RGS3: variants seen among roughly 807,000 people sequenced by gnomAD.
RGS3 encodes regulator of G protein signaling 3, also known as regulator of G-protein signalling 3.
In RGS3, 80 loss-of-function variants were observed where a neutral mutation model predicts 132.6. That is an observed-to-expected ratio of 0.60 (90% CI 0.50 to 0.73). RGS3 has a LOEUF of 0.73. Ranked by LOEUF, RGS3 falls within the 30% of genes least tolerant of loss-of-function variation. The pLI is 0.00. For synonymous variants in RGS3, 598 were observed against 620.6 expected (o/e 0.96, Z 0.54); for missense variants, 1,382 against 1,530.8 (o/e 0.90, Z 1.62).
In RGS3 at chr9:113,507,479, G is replaced by T; in HGVS notation, c.1278G>T (p.Leu426=). The change falls in exon 13 of 25, where the codon CTG becomes CTT. Residue 426 remains leucine (L), a synonymous_variant. Coordinates refer to ENST00000350696, the Ensembl canonical transcript of RGS3. This position sits in a 1 kb window ranked among gnomAD's most constrained non-coding sequence, Gnocchi z 5.0. ...CTGAGCAGCGCCACAGCTGCCACCT[G>T]GTATGTGACAGCTCTGATGGGCTGC... 1 of 1,613,372 alleles carries T rather than the reference G, an allele frequency of 6.2e-7. No individual in the cohort carries two copies.
exon 19 of RGS3, chr9:113,536,915 C>G (rs540029730): frequency 1.2e-6 from 2 of 1,613,924 alleles, no homozygotes; most frequent in South Asian, 1.1e-5. Flanking sequence ...CCCCGGACAG[C>G]AAGGTAAGGG....
chr9:113,566,760 GGCT>G (rs1834030225), intron 19 of RGS3, among the ~76,000 whole-genome samples: 1 of 152,260 alleles, frequency 6.6e-6, no homozygotes, highest in South Asian at 2.1e-4. Flanking sequence ...CTGGCTGGGT[GGCT>G]ATCTGGCGTC....
At chr9:113,484,069 C>A in intron 5 of RGS3, 69 bp from the exon 4 acceptor site, 1 of 925,336 alleles carries the variant, frequency 1.1e-6, no homozygotes, top group South Asian at 1.3e-5. Flanking sequence ...TGGAGATGTG[C>A]AGAGTCAGCT....
intron 6 of RGS3, among the ~76,000 whole-genome samples, 165 bp downstream of exon 4, chr9:113,484,397 C>T (rs1313792942): frequency 6.7e-6 from 1 of 150,016 alleles, no homozygotes; most frequent in East Asian, 2.0e-4. Flanking sequence ...TTTGTTTTCT[C>T]ACTCACTTGT....
chr9:113,515,960 G>A (rs2050866), intron 15 of RGS3, among the ~76,000 whole-genome samples: 17,637 of 152,236 alleles, frequency 0.12, 1,209 homozygotes, highest in African/African-American at 0.19. Flanking sequence ...CTTGCGCATG[G>A]ATTGCCTCTC....
chr9:113,534,152 C>G (rs1832586113), intron 18 of RGS3, among the ~76,000 whole-genome samples: 1 of 152,218 alleles, frequency 6.6e-6, no homozygotes, highest in Non-Finnish European at 1.5e-5. Flanking sequence ...TAGATATTAT[C>G]AGCTGATGTG....
At chr9:113,479,226 G>C in intron 3 of RGS3, 1 of 479,696 alleles carries the variant, frequency 2.1e-6, no homozygotes, top group East Asian at 3.5e-5. Context: ...CCACCTGGCT[G>C]CCTGTACAGT....
intron 7 of RGS3, among the ~76,000 whole-genome samples, chr9:113,486,687 C>A (rs1238279541): frequency 6.6e-6 from 1 of 152,192 alleles, no homozygotes; most frequent in African/African-American, 2.4e-5. Flanking sequence ...TGAAAAGGGG[C>A]TTCCGTGAAT....
At chr9:113,544,224 C>T (rs1015274664) in intron 19 of RGS3, among the ~76,000 whole-genome samples, 1 of 152,064 alleles carries the variant, frequency 6.6e-6, no homozygotes, top group Non-Finnish European at 1.5e-5. Context: ...GTTGGAAAGA[C>T]CATCTGTGCA....
intron 16 of RGS3, among the ~76,000 whole-genome samples, chr9:113,518,022 T>G (rs2119387266): frequency 6.6e-6 from 1 of 152,330 alleles, no homozygotes; most frequent in South Asian, 2.1e-4. Context: ...CTGGGCCTGT[T>G]TTAACCCAAA....
At chr9:113,490,266 C>T (rs1017799009) in intron 7 of RGS3, among the ~76,000 whole-genome samples, 4 of 152,040 alleles carry the variant, frequency 2.6e-5, no homozygotes, top group South Asian at 2.1e-4. Context: ...ATACTCATAG[C>T]GGAGTTTCAT....
intron 3 of RGS3, among the ~76,000 whole-genome samples, chr9:113,469,507 G>T (rs898107299): frequency 6.6e-6 from 1 of 151,934 alleles, no homozygotes; most frequent in African/African-American, 2.4e-5. Context: ...TGCTTTGTGT[G>T]TTCTTCTTAA....
intron 10 of RGS3, 25 bp from the exon 9 acceptor site, chr9:113,505,417 G>A (rs768683584): frequency 1.9e-6 from 3 of 1,611,818 alleles, no homozygotes. Flanking sequence ...GCTTCTGGCA[G>A]TGACCGGGCA....
intron 21 of RGS3, among the ~76,000 whole-genome samples, chr9:113,593,317 TTTAA>T (rs1252172393): frequency 2.0e-5 from 3 of 152,200 alleles, no homozygotes; most frequent in African/African-American, 4.8e-5. Flanking sequence ...CCCTTGAAAG[TTTAA>T]TTATTAAATT....
At chr9:113,479,618 A>G in intron 4 of RGS3, 77 bp downstream of exon 2, 1 of 1,349,706 alleles carries the variant, frequency 7.4e-7, no homozygotes. Flanking sequence ...GGGTTGGGGG[A>G]TGGTGGCACC....
chr9:113,445,177 A>G (rs549748103), intron 1 of RGS3, among the ~76,000 whole-genome samples: 1 of 149,906 alleles, frequency 6.7e-6, no homozygotes, highest in East Asian at 2.0e-4. Flanking sequence ...GGTTACCATA[A>G]TTTTCTTTTT....
rs1834709970 is a variant in RGS3, at chr9:113,579,925, G to A, written c.2038-3525G>A. Reference sequence around the variant, plus strand: ...TCGTTGCTCACAGGGCAAATCCCATGCCCACCATGTGTTCTGCAACCTCCC... The same window carrying A: ...TCGTTGCTCACAGGGCAAATCCCATACCCACCATGTGTTCTGCAACCTCCC... On this transcript the variant is annotated intron_variant, in intron 19 of 24. Transcript: ENST00000350696. This position sits in a 1 kb window ranked among gnomAD's most constrained non-coding sequence, Gnocchi z 4.3. Among the ~76,000 whole-genome samples, 1 of 152,114 alleles carries A rather than the reference G, an allele frequency of 6.6e-6. No homozygotes were observed. The highest frequency in any genetic ancestry group is 2.1e-4 in the South Asian group (1 of 4,826).
chr9:113,594,804 T>A, intron 22 of RGS3, 115 bp from the exon 21 acceptor site: 1 of 1,031,262 alleles, frequency 9.7e-7, no homozygotes, highest in Middle Eastern at 2.3e-4. Flanking sequence ...GCGCCCCAGC[T>A]GGGCTCAGCT....
At chr9:113,548,219 C>A (rs988903297) in intron 19 of RGS3, among the ~76,000 whole-genome samples, 1 of 152,168 alleles carries the variant, frequency 6.6e-6, no homozygotes, top group Non-Finnish European at 1.5e-5. Flanking sequence ...TCGGGGACTT[C>A]TGAAGATTCT....
Sources: allele counts gnomAD v4.1 joint callset (sites outside exome capture counted in the v4.1 genomes callset), GRCh38; gene constraint gnomAD v4.1.1; non-coding constraint Gnocchi (gnomAD v3.1); transcripts MANE v1.5; gene names NCBI Gene and HGNC (gene_info 2026-07-23, HGNC 2026-07-21).